Variants in BUB1B observed in about 807,000 individuals in gnomAD.
BUB1B encodes the protein BUB1 mitotic checkpoint serine/threonine kinase B, also known as mitotic checkpoint serine/threonine-protein kinase BUB1 beta.
Under a neutral mutation model 137.7 loss-of-function variants are expected in BUB1B, and 86 were observed. The observed-to-expected ratio is 0.62, with a 90% CI of 0.52 to 0.75. The LOEUF (loss-of-function observed/expected upper bound fraction) is 0.75. Among genes scored for constraint, BUB1B ranks in the 30% least tolerant of loss-of-function variants. The pLI is 0.00. For missense variants in BUB1B, 1,130 were observed against 1,236.9 expected, an observed-to-expected ratio of 0.91 and a Z score of 1.30; for synonymous variants, 420 against 417.9, an observed-to-expected ratio of 1.00 and a Z score of -0.06.
At chr15:40,168,367 CA>C (rs1255586048) in intron 2 of BUB1B, among the ~76,000 whole-genome samples, 8 of 140,014 alleles carry the variant, frequency 5.7e-5, no homozygotes, top group Admixed American at 1.4e-4. Flanking sequence ...AATTCCGTCT[CA>C]AAAAAAAAAG....
intron 9 of BUB1B, among the ~76,000 whole-genome samples, chr15:40,199,020 C>T (rs1344404712): frequency 6.6e-6 from 1 of 152,234 alleles, no homozygotes; most frequent in East Asian, 1.9e-4. Context: ...CTACACTGGA[C>T]TTCCTTTGGA....
At chr15:40,212,094 CAGAGT>C (rs1425567226) in intron 18 of BUB1B, among the ~76,000 whole-genome samples, 1 of 152,258 alleles carries the variant, frequency 6.6e-6, no homozygotes, top group Non-Finnish European at 1.5e-5. Flanking sequence ...CTCAGCCTCC[CAGAGT>C]GCTGGGATTA....
At chr15:40,218,130 A>T (rs913449770) in intron 21 of BUB1B, among the ~76,000 whole-genome samples, 3 of 152,252 alleles carry the variant, frequency 2.0e-5, no homozygotes, top group African/African-American at 7.2e-5. Context: ...CTGATTGAAT[A>T]TGTAGCACAA....
chr15:40,189,828 A>G (rs1490387462), intron 8 of BUB1B, among the ~76,000 whole-genome samples: 2 of 152,166 alleles, frequency 1.3e-5, no homozygotes, highest in African/African-American at 4.8e-5. Flanking sequence ...ACCTTCTCAC[A>G]TTCCCCTAAT....
chr15:40,215,756 G>A (rs902887828), intron 20 of BUB1B, among the ~76,000 whole-genome samples: 3 of 151,918 alleles, frequency 2.0e-5, no homozygotes, highest in African/African-American at 4.8e-5. Flanking sequence ...GTGACAGAGC[G>A]AGACTCCATC....
chr15:40,166,528 G>A, intron 2 of BUB1B: 1 of 284,078 alleles, frequency 3.5e-6, no homozygotes, highest in Non-Finnish European at 6.8e-6. Context: ...TTTTAGTAGA[G>A]ACGGGGTTTC....
At chr15:40,168,704 C>T (rs2037128880) in intron 2 of BUB1B, among the ~76,000 whole-genome samples, 1 of 152,124 alleles carries the variant, frequency 6.6e-6, no homozygotes, top group South Asian at 2.1e-4. Flanking sequence ...ACATTTAAAG[C>T]ATGTGCTTCT....
intron 6 of BUB1B, 77 bp downstream of exon 6, chr15:40,183,960 A>C: frequency 6.8e-7 from 1 of 1,466,654 alleles, no homozygotes; most frequent in Non-Finnish European, 9.4e-7. Flanking sequence ...ATACATAAAT[A>C]TACCTGTGGA....
rs576983563 is a variant in BUB1B, at chr15:40,174,093, A to C, written c.385-2384A>C. ...TTTTATTTATGTTATTTCTTAAGTG[A>C]TCTTATTCAGCACTCTGAATAACCT... is the stretch of plus-strand genomic sequence containing the variant. On this transcript the variant is annotated intron_variant, in intron 4 of 22. Transcript: ENST00000287598. 466 of 323,926 alleles carry C rather than the reference A, an allele frequency of 1.4e-3. 3 individuals carry two copies. The highest frequency in any genetic ancestry group is 0.011 in the South Asian group (435 of 38,452). 20.1% of individuals were successfully genotyped at this position (323,926 alleles called of 1,614,324 possible).
At chr15:40,212,733 CT>C in intron 19 of BUB1B, 85 bp downstream of exon 19, 4 of 1,286,356 alleles carry the variant, frequency 3.1e-6, no homozygotes, top group Non-Finnish European at 4.4e-6. Context: ...TACAAAATTC[CT>C]GTCAATCTTC....
rs1180706090 is a variant in BUB1B at position 40,210,104 on chromosome 15, C to T, written c.2285-6C>T. 6.3e-7 allele frequency: 1 copy of T among 1,593,866 alleles called. No homozygotes were observed. Among genetic ancestry groups the T allele is most frequent in the South Asian group, 1.1e-5 (1 of 90,676 alleles). ...ATTTTTAAATGGAATCAAACTTTCT[C>T]AACAGGTAATGAGGATTACTGCATT... On this transcript the variant is annotated splice_region_variant and splice_polypyrimidine_tract_variant and intron_variant, in intron 17 of 22. Transcript: ENST00000287598.
intron 8 of BUB1B, among the ~76,000 whole-genome samples, chr15:40,193,349 C>T (rs1325080139): frequency 2.0e-5 from 3 of 151,676 alleles, no homozygotes; most frequent in African/African-American, 7.3e-5. Context: ...ATTTTAACCA[C>T]TCTAATAGGT....
chr15:40,214,921 A>G (rs1250470211), intron 20 of BUB1B, among the ~76,000 whole-genome samples: 1 of 150,092 alleles, frequency 6.7e-6, no homozygotes, highest in East Asian at 2.0e-4. Context: ...AAGTATGAGA[A>G]CCCCTGGTAT....
intron 9 of BUB1B, among the ~76,000 whole-genome samples, chr15:40,198,099 T>A (rs2037519694): frequency 6.6e-6 from 1 of 151,968 alleles, no homozygotes; most frequent in Admixed American, 6.6e-5. Flanking sequence ...ACATGGTGAA[T>A]TCTCATCTCT....
At chr15:40,187,647 G>A (rs1419764858) in intron 8 of BUB1B, among the ~76,000 whole-genome samples, 1 of 152,110 alleles carries the variant, frequency 6.6e-6, no homozygotes, top group Non-Finnish European at 1.5e-5. Flanking sequence ...CGTGGCTCAT[G>A]CCTGTAATTT....
intron 2 of BUB1B, 92 bp downstream of exon 2, chr15:40,165,288 G>A: frequency 1.9e-6 from 3 of 1,561,216 alleles, no homozygotes; most frequent in Non-Finnish European, 2.6e-6. Flanking sequence ...GGCATAATGA[G>A]TACTTTTCAA....
intron 15 of BUB1B, 84 bp downstream of exon 15, chr15:40,206,542 T>C (rs1455686095): frequency 6.4e-7 from 1 of 1,562,698 alleles, no homozygotes; most frequent in African/African-American, 1.3e-5. Context: ...TAATCAGTTA[T>C]CAAGTTCTTA....
chr15:40,199,297 A>G (rs1291301181), intron 9 of BUB1B, among the ~76,000 whole-genome samples: 1 of 152,130 alleles, frequency 6.6e-6, no homozygotes, highest in Non-Finnish European at 1.5e-5. Context: ...CCCAAATTTG[A>G]ATGTTAGTAT....
At chr15:40,184,508 C>T (rs569359165) in intron 6 of BUB1B, among the ~76,000 whole-genome samples, 1 of 152,138 alleles carries the variant, frequency 6.6e-6, no homozygotes, top group East Asian at 1.9e-4. Context: ...AGGTTCATAG[C>T]AAAATTGAGC....
Sources: gnomAD v4.1 joint callset for allele counts (sites outside exome capture counted in the v4.1 genomes callset) on GRCh38, gnomAD v4.1.1 for gene constraint, MANE v1.5 for transcripts, NCBI Gene and HGNC (gene_info 2026-07-23, HGNC 2026-07-21) for gene names.